The following NFXL1 variants were observed in gnomAD, a reference collection of about 807,000 sequenced individuals.
NFXL1 encodes the protein nuclear transcription factor, X-box binding like 1.
Under a neutral mutation model 123.3 loss-of-function variants are expected in NFXL1, and 66 were observed. The observed-to-expected ratio is 0.54, with a 90% CI of 0.44 to 0.66. NFXL1 has a LOEUF of 0.66. NFXL1 is among the 30% of genes least tolerant of loss of function. The pLI is 0.00. For synonymous variants in NFXL1, 346 were observed against 360.8 expected, an observed-to-expected ratio of 0.96 and a Z score of 0.46; for missense variants, 944 against 1,125.6, an observed-to-expected ratio of 0.84 and a Z score of 2.31.
chr4:47,874,851 G>A (rs141109823), intron 18 of NFXL1, among the ~76,000 whole-genome samples: 184 of 152,196 alleles, frequency 1.2e-3, no homozygotes, highest in African/African-American at 4.2e-3. Flanking sequence ...AGGTATAGGA[G>A]TATTTAAATT....
chr4:47,889,901 T>C (rs892972969), intron 12 of NFXL1, among the ~76,000 whole-genome samples: 47 of 152,158 alleles, frequency 3.1e-4, no homozygotes, highest in Admixed American at 5.2e-4. Flanking sequence ...TACAGAAGCA[T>C]ATATGTGAAT....
chr4:47,894,076 C>T lies in NFXL1; in HGVS notation c.1452+104G>A, dbSNP rs541619817. ...TTAATATATTAAAGGAAAGCATATG[C>T]CTGAACATTTGAGAAACAATTCAAG... On this transcript the variant is annotated intron_variant, in intron 11 of 22. Coordinates refer to ENST00000507489, the MANE Select transcript of NFXL1 (RefSeq NM_001278624.2). 274 of 726,942 alleles carry T rather than the reference C, an allele frequency of 3.8e-4. No homozygotes were observed. The Middle Eastern group carries it at 3.9e-3, about 10-fold the overall frequency. 45.0% of individuals were successfully genotyped at this position (726,942 alleles called of 1,614,324 possible).
chr4:47,856,252 AGTACTTTAT>A (rs1734404970), intron 19 of NFXL1, among the ~76,000 whole-genome samples: 1 of 152,188 alleles, frequency 6.6e-6, no homozygotes, highest in Non-Finnish European at 1.5e-5. Context: ...AAAGAGTATT[AGTACTTTAT>A]AAAGCTGTTG....
At chr4:47,868,474 TAC>T (rs1258492164) in intron 18 of NFXL1, among the ~76,000 whole-genome samples, 2 of 151,696 alleles carry the variant, frequency 1.3e-5, no homozygotes, top group Non-Finnish European at 2.9e-5. Flanking sequence ...CTGATTGTCA[TAC>T]AGTCTTAAAT....
chr4:47,851,591 T>C (rs745644647), intron 21 of NFXL1, among the ~76,000 whole-genome samples: 3 of 151,918 alleles, frequency 2.0e-5, no homozygotes, highest in Non-Finnish European at 4.4e-5. Flanking sequence ...ACTGATTGGG[T>C]TGATGGAGGG....
At chr4:47,911,233 C>T (rs1737815120) in intron 2 of NFXL1, among the ~76,000 whole-genome samples, 2 of 151,912 alleles carry the variant, frequency 1.3e-5, no homozygotes, top group African/African-American at 2.4e-5. Context: ...TTTATGATAA[C>T]GGTGATTAAC....
At chr4:47,851,439 A>G (rs1734110960) in intron 21 of NFXL1, among the ~76,000 whole-genome samples, 1 of 152,122 alleles carries the variant, frequency 6.6e-6, no homozygotes, top group South Asian at 2.1e-4. Context: ...AGCAAATTTT[A>G]AAACTGCCTT....
intron 15 of NFXL1, among the ~76,000 whole-genome samples, chr4:47,880,569 AAAAG>A (rs1364813711): frequency 3.9e-5 from 6 of 152,088 alleles, no homozygotes; most frequent in Admixed American, 2.6e-4. Context: ...AATGAAAAAA[AAAAG>A]AATTTGTGGA....
chr4:47,876,420 C>T (rs982401966), intron 17 of NFXL1, among the ~76,000 whole-genome samples: 1 of 151,836 alleles, frequency 6.6e-6, no homozygotes, highest in Non-Finnish European at 1.5e-5. Context: ...AGGAGAGCTC[C>T]AGAGGAAAGG....
intron 3 of NFXL1, 114 bp downstream of exon 3, chr4:47,910,710 C>G: frequency 1.8e-6 from 1 of 551,252 alleles, no homozygotes; most frequent in Non-Finnish European, 3.1e-6. Context: ...CTATAACATA[C>G]AGTGCTCATC....
chr4:47,859,841 C>CAAAAAAAA (rs938207203), intron 19 of NFXL1, among the ~76,000 whole-genome samples: 33 of 14,294 alleles, frequency 2.3e-3, no homozygotes, highest in East Asian at 0.016. Flanking sequence ...GACTCCATCT[C>CAAAAAAAA]AAAAAAAAAA....
intron 12 of NFXL1, among the ~76,000 whole-genome samples, chr4:47,887,154 C>G (rs1313442940): frequency 6.6e-6 from 1 of 152,194 alleles, no homozygotes; most frequent in East Asian, 1.9e-4. Flanking sequence ...CCAAGAGGTT[C>G]TGTCATCATC....
At chr4:47,878,704 C>A in intron 16 of NFXL1, 39 bp from the exon 17 acceptor site, 2 of 1,419,908 alleles carry the variant, frequency 1.4e-6, no homozygotes, top group South Asian at 1.8e-5. Context: ...ACACATTACT[C>A]AAACGTTTCT....
chr4:47,867,361 G>A (rs145728422), intron 18 of NFXL1, among the ~76,000 whole-genome samples: 1,808 of 151,748 alleles, frequency 0.012, 17 homozygotes, highest in Non-Finnish European at 0.021. Flanking sequence ...TCCCTGAAAC[G>A]AGGCAGCAAA....
intron 15 of NFXL1, among the ~76,000 whole-genome samples, chr4:47,884,133 G>C (rs959721647): frequency 6.6e-6 from 1 of 151,908 alleles, no homozygotes; most frequent in Admixed American, 6.6e-5. Context: ...TGGGGGTAAA[G>C]ACTCAAAAAA....
At chr4:47,903,460 T>C (rs952972192) in intron 4 of NFXL1, 137 bp from the exon 5 acceptor site, 45 of 429,942 alleles carry the variant, frequency 1.0e-4, no homozygotes, top group Non-Finnish European at 1.5e-4. Context: ...CCTTCCAGTA[T>C]AACAGAAGAA....
rs1249709889 is a variant in NFXL1, at chr4:47,890,650, T to A, written c.1506A>T (p.Gly502=). ...PCDQNCGRTL[G]CRNHKCPSVC... is the part of the protein sequence containing the mutation. ...CAGATGGACACTTATGGTTTCTACA[T>A]CCTAAAGTCCGTCCACAGTTTTGAT... The change falls in exon 12 of 23, where the codon GGA becomes GGT. Residue 502 remains glycine (G), a synonymous_variant. Transcript: ENST00000507489. The A allele has an allele frequency of 6.2e-7, 1 of 1,610,188 alleles. No individual in the cohort carries two copies. The highest frequency in any genetic ancestry group is 1.7e-5 in the Admixed American group (1 of 59,986).
intron 4 of NFXL1, among the ~76,000 whole-genome samples, chr4:47,904,208 C>T (rs190934940): frequency 2.0e-5 from 3 of 152,122 alleles, no homozygotes; most frequent in African/African-American, 7.2e-5. Flanking sequence ...CCAGGGGACC[C>T]TCTGTAAAAC....
At chr4:47,864,487 C>T (rs923689407) in intron 18 of NFXL1, among the ~76,000 whole-genome samples, 7 of 152,286 alleles carry the variant, frequency 4.6e-5, no homozygotes, top group Admixed American at 3.9e-4. Flanking sequence ...AGAAGGGGTC[C>T]TGTCCCATAC....
Sources: gnomAD v4.1 joint callset for allele counts (sites outside exome capture counted in the v4.1 genomes callset) on GRCh38, gnomAD v4.1.1 for gene constraint, MANE v1.5 for transcripts, NCBI Gene and HGNC (gene_info 2026-07-23, HGNC 2026-07-21) for gene names.